LGALS3BP: variants seen among roughly 807,000 people sequenced by gnomAD.
The protein encoded by LGALS3BP is galectin-3-binding protein.
A neutral mutation model predicts 22.9 loss-of-function variants in LGALS3BP; 25 were observed. The observed-to-expected ratio is 1.09, with a 90% CI of 0.80 to 1.53. LGALS3BP has a LOEUF of 1.53. LGALS3BP is among the 40% of genes most tolerant of loss of function. The probability of loss-of-function intolerance (pLI) is 0.00; values close to 1 mark genes in which losing one functional copy is unlikely to be tolerated. For missense variants in LGALS3BP, 718 were observed against 752.0 expected (o/e 0.95, Z 0.53); for synonymous variants, 335 against 331.1 (o/e 1.01, Z -0.13).
chr17:78,972,566 C>T lies in LGALS3BP; in HGVS notation c.768G>A (p.Ser256=), dbSNP rs770207717. Reference sequence around the variant, plus strand: ...CATACAGGTCCAGGGGCATCTGGAACGAGGGGTCCTGGGGGAGGAGGATGG... The same window carrying T: ...CATACAGGTCCAGGGGCATCTGGAATGAGGGGTCCTGGGGGAGGAGGATGG... ...LFAILLPQDP[S]FQMPLDLYAY... Residue 256 remains serine, a synonymous_variant, in exon 6 of 6, where the codon TCG becomes TCA. Coordinates refer to ENST00000262776, the MANE Select transcript of LGALS3BP (RefSeq NM_005567.4). This position sits in a 1 kb window ranked among gnomAD's most constrained non-coding sequence, Gnocchi z 5.1. 44 of 1,602,318 alleles carry T rather than the reference C, an allele frequency of 2.7e-5. No individual in the cohort carries two copies. The highest frequency in any genetic ancestry group is 1.7e-4 in the Middle Eastern group (1 of 6,034).
Position 78,971,391 on chromosome 17 carries a change from ACTC to A in LGALS3BP, c.*182_*184del, listed in dbSNP as rs1207759252. 1.7e-6 allele frequency: 1 copy of A among 605,040 alleles called. No individual in the cohort carries two copies. Among genetic ancestry groups the A allele is most frequent in the South Asian group, 2.1e-5 (1 of 47,456 alleles). The allele number at this position is 605,040 out of a possible 1,614,324, so 37.5% of individuals were successfully genotyped here. On this transcript the variant is annotated 3_prime_UTR_variant, in exon 6 of 6. Transcript: ENST00000262776. This position sits in a 1 kb window ranked among gnomAD's most constrained non-coding sequence, Gnocchi z 5.6. ...TGGAAACTGGTGAGGTGGTGGGAGA[ACTC>A]CTGGTGGACCCTAGTGGAAGCCTTC...
At position 78,973,026 on chromosome 17, in the gene LGALS3BP, G is replaced by A. The variant is rs776519533; in HGVS notation, c.573C>T (p.Ser191=). 6.2e-7 allele frequency: 1 copy of A among 1,613,920 alleles called. No homozygotes were observed. Among genetic ancestry groups the A allele is most frequent in the South Asian group, 1.1e-5 (1 of 91,060 alleles). ...EAQALWKEPG[S]NVTMSVDAEC... is the part of the protein sequence containing the mutation. ...CAGCATCCACACTCATGGTGACATT[G>A]CTGCCCGGCTCCTTCCACAGGGCCT... The change falls in exon 5 of 6, where the codon AGC becomes AGT. Residue 191 remains serine, a synonymous_variant. Transcript: ENST00000262776. This position sits in a 1 kb window ranked among gnomAD's most constrained non-coding sequence, Gnocchi z 5.8.
Position 78,972,387 on chromosome 17 carries a change from G to T in LGALS3BP, c.947C>A (p.Pro316His). ...GGCCTTCAGTAGGGCCAGCTCGCTGGGCACCGCCAGGTCGCTCCTGGGCAG... is the reference window on the plus strand; with the variant it reads ...GGCCTTCAGTAGGGCCAGCTCGCTGTGCACCGCCAGGTCGCTCCTGGGCAG... ...LLLPRSDLAV[P>H]SELALLKAVD... The change falls in exon 6 of 6, where the codon CCC becomes CAC. Residue 316 changes from proline to histidine, a missense_variant. By Grantham distance (77) the Pro-to-His change is moderately conservative. Transcript: ENST00000262776. This position sits in a 1 kb window ranked among gnomAD's most constrained non-coding sequence, Gnocchi z 5.1. The T allele has an allele frequency of 1.9e-6, 3 of 1,613,484 alleles. No homozygotes were observed. The highest frequency in any genetic ancestry group is 2.5e-6 in the Non-Finnish European group (3 of 1,180,024).
intron 1 of LGALS3BP, chr17:78,977,424 G>A (rs2070730994): frequency 3.6e-6 from 2 of 549,596 alleles, no homozygotes; most frequent in East Asian, 6.3e-5. Context: ...GTGTGGTCCT[G>A]GAAGGATGTG....
At position 78,976,198 on chromosome 17, in the gene LGALS3BP, C is replaced by T; in HGVS notation, c.53-42G>A. The T allele has an allele frequency of 6.7e-7, 1 of 1,492,272 alleles. No individual in the cohort carries two copies. The allele number at this position is 1,492,272 out of a possible 1,614,324, so 92.4% of individuals were successfully genotyped here. A position where few individuals can be genotyped will look rare whatever the true frequency, so the allele number is the denominator to read the frequency against. The stretch of plus-strand genomic sequence containing the variant: ...GCGAGGGCGAGGCTGGGGCCTGCAG[C>T]ACCCACCGCCCACACCTCCAGGCCC... On this transcript the variant is annotated intron_variant, in intron 2 of 5. Transcript: ENST00000262776. This position sits in a 1 kb window ranked among gnomAD's most constrained non-coding sequence, Gnocchi z 4.6.
Position 78,972,823 on chromosome 17 carries a change from T to C in LGALS3BP, c.630-119A>G. 1 of 1,429,968 alleles carries C rather than the reference T, an allele frequency of 7.0e-7. No homozygotes were observed. The highest frequency in any genetic ancestry group is 1.4e-5 in the African/African-American group (1 of 70,198). The allele number at this position is 1,429,968 out of a possible 1,614,324, so 88.6% of individuals were successfully genotyped here. ...GTGTGGGAGTGAGCATGCGTGTGTG[T>C]GCAACTGCGTGAGTGCATGTGTGAC... On this transcript the variant is annotated intron_variant, in intron 5 of 5. Transcript: ENST00000262776. This position sits in a 1 kb window ranked among gnomAD's most constrained non-coding sequence, Gnocchi z 5.1.
rs767800716 is a variant in LGALS3BP, at chr17:78,972,971, T to C, written c.628A>G (p.Arg210Gly). ...GAGCCTGAGGACGAGACGGCTCACC[T>C]GAGAAGGTCCCTGACCATGGGCACA... Reference protein sequence around the residue: ...ECVPMVRDLLRYFYSRRIDIT... With the variant: ...ECVPMVRDLLGYFYSRRIDIT... The change falls in exon 5 of 6, where the codon AGG becomes GGG. Residue 210 changes from arginine (R) to glycine (G), a missense_variant and splice_region_variant. By Grantham distance (125) the Arg-to-Gly change is moderately radical. Coordinates refer to ENST00000262776, the MANE Select transcript of LGALS3BP (RefSeq NM_005567.4). The surrounding 1 kb of genome is among the most constrained non-coding windows in gnomAD (Gnocchi z 5.1). 6.2e-7 allele frequency: 1 copy of C among 1,601,426 alleles called. No homozygotes were observed.
chr17:78,977,184 G>T lies in LGALS3BP; in HGVS notation c.8C>A (p.Pro3His). The change falls in exon 2 of 6, where the codon CCT becomes CAT. Residue 3 changes from proline (P) to histidine (H), a missense_variant. Transcript: ENST00000262776. ...CAGCCACACCCAGAAGAGCCTCGGAGGGGTCATGGCCGTGCCTGGATGCCC... is the reference window on the plus strand; with the variant it reads ...CAGCCACACCCAGAAGAGCCTCGGATGGGTCATGGCCGTGCCTGGATGCCC... Reference protein sequence around the residue: MTPPRLFWVWLLV... With the variant: MTHPRLFWVWLLV... 1.2e-6 allele frequency: 2 copies of T among 1,613,182 alleles called. No individual in the cohort carries two copies. Among genetic ancestry groups the T allele is most frequent in the South Asian group, 2.2e-5 (2 of 91,090 alleles).
intron 4 of LGALS3BP, 110 bp downstream of exon 4, chr17:78,974,578 A>G: frequency 1.5e-6 from 2 of 1,319,668 alleles, no homozygotes; most frequent in South Asian, 1.4e-5. Flanking sequence ...CGGTAGTGGA[A>G]GGAACCTTTG....
At position 78,973,100 on chromosome 17, in the gene LGALS3BP, G is replaced by C; in HGVS notation, c.499C>G (p.Leu167Val). 3 of 1,613,674 alleles carry C rather than the reference G, an allele frequency of 1.9e-6. No homozygotes were observed. Among genetic ancestry groups the C allele is most frequent in the Non-Finnish European group, 2.5e-6 (3 of 1,179,968 alleles). Residue 167 changes from leucine to valine, a missense_variant, in exon 5 of 6, where the codon CTG becomes GTG. Leu to Val is a conservative substitution (Grantham distance 32). Transcript: ENST00000262776. The surrounding 1 kb of genome is among the most constrained non-coding windows in gnomAD (Gnocchi z 5.8). Reference sequence around the variant, plus strand: ...ATGACCGTGTGGCCACAGAAGCCCAGGGCGTCCTCGCCCTGCACATTCACG... The same window carrying C: ...ATGACCGTGTGGCCACAGAAGCCCACGGCGTCCTCGCCCTGCACATTCACG... ...ISVNVQGEDALGFCGHTVILT... is the reference protein window; with the variant it reads ...ISVNVQGEDAVGFCGHTVILT...
rs979574823 is a variant in LGALS3BP, at chr17:78,973,514, G to T, written c.377-292C>A. ...CTCCCCCGACTCAGGCAGCAGCTCC[G>T]CATGGAGACTTGGTGGTACTGACTC... On this transcript the variant is annotated intron_variant, in intron 4 of 5. Coordinates refer to ENST00000262776, the MANE Select transcript of LGALS3BP (RefSeq NM_005567.4). The surrounding 1 kb of genome is among the most constrained non-coding windows in gnomAD (Gnocchi z 5.8). Among the ~76,000 whole-genome samples the T allele has an allele frequency of 6.6e-6, 1 of 152,132 alleles. No homozygotes were observed. The highest frequency in any genetic ancestry group is 1.5e-5 in the Non-Finnish European group (1 of 68,016).
chr17:78,976,301 C>A lies in LGALS3BP; in HGVS notation c.53-145G>T, dbSNP rs146082922. On this transcript the variant is annotated intron_variant, in intron 2 of 5. Transcript: ENST00000262776. The surrounding 1 kb of genome is among the most constrained non-coding windows in gnomAD (Gnocchi z 4.6). ...TCCCCTGGCCTCTCCATGAGGGGCA[C>A]CTCCATGAGGGAGGAGTGGAAGATA... 176 of 685,724 alleles carry A rather than the reference C, an allele frequency of 2.6e-4. 1 individual carries two copies. The African/African-American group carries it at 2.8e-3, about 11-fold the overall frequency. The allele number at this position is 685,724 out of a possible 1,614,324, so 42.5% of individuals were successfully genotyped here. A position where few individuals can be genotyped will look rare whatever the true frequency, so the allele number is the denominator to read the frequency against.
At chr17:78,975,042 CA>C in intron 3 of LGALS3BP, 1 of 568,030 alleles carries the variant, frequency 1.8e-6, no homozygotes, top group Non-Finnish European at 3.1e-6. Flanking sequence ...CCGGCTGCTT[CA>C]GCGACATCAC....
At position 78,971,826 on chromosome 17, in the gene LGALS3BP, A is replaced by T. The variant is rs2070673909; in HGVS notation, c.1508T>A (p.Val503Asp). 6.2e-7 allele frequency: 1 copy of T among 1,614,016 alleles called. No homozygotes were observed. The highest frequency in any genetic ancestry group is 1.1e-5 in the South Asian group (1 of 91,082). Residue 503 changes from valine (V) to aspartate (D), a missense_variant, in exon 6 of 6, where the codon GTC (valine) becomes GAC (aspartate). Val to Asp is a radical substitution (Grantham distance 152). Transcript: ENST00000262776. This position sits in a 1 kb window ranked among gnomAD's most constrained non-coding sequence, Gnocchi z 5.6. ...GCCGCCAGACTTGGTGAGGCCCAGG[A>T]CAGGGAGCTCGTCCGAGGAGCAGGA... ...GFSCSSDELP[V>D]LGLTKSGGSD...
intron 3 of LGALS3BP, among the ~76,000 whole-genome samples, chr17:78,975,333 T>C (rs2070710240): frequency 6.6e-6 from 1 of 152,172 alleles, no homozygotes. Context: ...AGACTTTTCT[T>C]TTGAGGAGAA....
intron 4 of LGALS3BP, among the ~76,000 whole-genome samples, chr17:78,974,191 G>A (rs986610759): frequency 2.0e-5 from 3 of 152,214 alleles, no homozygotes; most frequent in Non-Finnish European, 2.9e-5. Context: ...GAGCCACCTC[G>A]GCATGAAAGA....
chr17:78,976,849 C>T lies in LGALS3BP; in HGVS notation c.52+291G>A, dbSNP rs943350023. The T allele has an allele frequency of 7.7e-5, 35 of 454,372 alleles. 1 individual carries two copies. The highest frequency in any genetic ancestry group is 1.5e-4 in the Admixed American group (4 of 26,130). 28.1% of individuals were successfully genotyped at this position (454,372 alleles called of 1,614,324 possible). ...GCGTCCAAGGCCACTGACCTCACAA[C>T]GGCCCCTGTGACTGCTGGTTTGATC... On this transcript the variant is annotated intron_variant, in intron 2 of 5. Transcript: ENST00000262776. This position sits in a 1 kb window ranked among gnomAD's most constrained non-coding sequence, Gnocchi z 4.6.
intron 3 of LGALS3BP, 106 bp from the exon 4 acceptor site, chr17:78,974,925 T>A: frequency 1.4e-6 from 2 of 1,411,332 alleles, no homozygotes; most frequent in South Asian, 2.7e-5. Context: ...TGGGTCCATC[T>A]GCTTACAGGT....
At chr17:78,979,156 C>T (rs985462278) in intron 1 of LGALS3BP, among the ~76,000 whole-genome samples, 7 of 152,010 alleles carry the variant, frequency 4.6e-5, no homozygotes, top group Non-Finnish European at 1.0e-4. Flanking sequence ...TTCCTTCATA[C>T]AGTTGAGACC....
Sources: allele counts gnomAD v4.1 joint callset (sites outside exome capture counted in the v4.1 genomes callset), GRCh38; gene constraint gnomAD v4.1.1; non-coding constraint Gnocchi (gnomAD v3.1); transcripts MANE v1.5; gene names NCBI Gene and HGNC (gene_info 2026-07-23, HGNC 2026-07-21).